The following PIK3CA variants were observed in gnomAD, a reference collection of about 807,000 sequenced individuals.
PIK3CA encodes the protein phosphatidylinositol-4,5-bisphosphate 3-kinase catalytic subunit alpha.
PIK3CA carries 27 observed loss-of-function variants against 138.2 expected under a neutral mutation model. That is an observed-to-expected ratio of 0.20 (90% confidence interval 0.14 to 0.27). The LOEUF is 0.27. Among genes scored for constraint, PIK3CA ranks in the 10% least tolerant of loss-of-function variants. The pLI, the probability that PIK3CA is intolerant of heterozygous loss-of-function variation, is 1.00. For synonymous variants in PIK3CA, 358 were observed against 413.2 expected, an observed-to-expected ratio of 0.87 and a Z score of 1.62; for missense variants, 544 against 1,277.4, an observed-to-expected ratio of 0.43 and a Z score of 8.75.
chr3:179,161,318 ATAAAG>A (rs1427321994), intron 1 of PIK3CA, among the ~76,000 whole-genome samples: 2 of 152,242 alleles, frequency 1.3e-5, no homozygotes, highest in Non-Finnish European at 1.5e-5. Context: ...TAGTGTTTTT[ATAAAG>A]TAAATTCTGC....
chr3:179,198,136 A>G (rs1405176321), intron 1 of PIK3CA, among the ~76,000 whole-genome samples: 2 of 152,258 alleles, frequency 1.3e-5, no homozygotes, highest in Non-Finnish European at 2.9e-5. Flanking sequence ...CTTTAAGAAC[A>G]GAATGTCTAA....
chr3:179,196,464 G>T (rs1362642886), intron 1 of PIK3CA, among the ~76,000 whole-genome samples: 1 of 152,142 alleles, frequency 6.6e-6, no homozygotes, highest in Non-Finnish European at 1.5e-5. Flanking sequence ...ACTAGCCAAT[G>T]AAATTTTTGA....
At position 179,201,609 on chromosome 3, in the gene PIK3CA, A is replaced by ATTTT. The variant is rs373901635; in HGVS notation, c.813+82_813+85dup. ...AATCACATTGAGGATGAGTATCTGT[A>ATTTT]TTTTTTTTTTTTTTTTGAGACGGAA... On this transcript the variant is annotated intron_variant, in intron 4 of 20. Coordinates refer to ENST00000263967, the MANE Select transcript of PIK3CA (RefSeq NM_006218.4). 7.0e-3 allele frequency: 5,326 copies of ATTTT among 760,692 alleles called. 8 individuals are homozygous for ATTTT. Among genetic ancestry groups the ATTTT allele is most frequent in the Middle Eastern group, 0.016 (36 of 2,242 alleles). The allele number at this position is 760,692 out of a possible 1,614,324, so 47.1% of individuals were successfully genotyped here.
chr3:179,187,537 CAAAAAAAA>C (rs375116506), intron 1 of PIK3CA, among the ~76,000 whole-genome samples: 1 of 63,342 alleles, frequency 1.6e-5, no homozygotes, highest in Admixed American at 2.0e-4. Context: ...GACTCCGCCT[CAAAAAAAA>C]AAAAAAAAAA....
chr3:179,181,091 T>C (rs1723833090), intron 1 of PIK3CA, among the ~76,000 whole-genome samples: 2 of 152,068 alleles, frequency 1.3e-5, no homozygotes, highest in South Asian at 4.1e-4. Flanking sequence ...AAAAGAGCAG[T>C]ACTGAAAATA....
rs1725324509 is a variant in PIK3CA at position 179,235,918 on chromosome 3, T to TG, written c.*1555dup. 4.8e-6 allele frequency: 1 copy of TG among 209,342 alleles called. No individual in the cohort carries two copies. The highest frequency in any genetic ancestry group is 9.7e-6 in the Non-Finnish European group (1 of 102,828). The allele number at this position is 209,342 out of a possible 1,614,324, so 13.0% of individuals were successfully genotyped here. On this transcript the variant is annotated 3_prime_UTR_variant, in exon 21 of 21. Transcript: ENST00000263967. ...CATTCTAGAATCTGATATTTTACTC[T>TG]GTATTTGAAATGAATGATTAATGTC...
At chr3:179,178,707 T>C (rs939696127) in intron 1 of PIK3CA, among the ~76,000 whole-genome samples, 9 of 152,116 alleles carry the variant, frequency 5.9e-5, no homozygotes, top group Non-Finnish European at 7.3e-5. Flanking sequence ...CTCTATCACT[T>C]ACTACAATGA....
At chr3:179,217,196 G>A (rs960085152) in intron 9 of PIK3CA, among the ~76,000 whole-genome samples, 2 of 152,106 alleles carry the variant, frequency 1.3e-5, no homozygotes, top group Admixed American at 1.3e-4. Context: ...AAATCTTAGT[G>A]TGGATAAAGG....
chr3:179,185,072 A>G (rs1280214072), intron 1 of PIK3CA, among the ~76,000 whole-genome samples: 2 of 152,224 alleles, frequency 1.3e-5, no homozygotes, highest in Non-Finnish European at 2.9e-5. Context: ...CTGTTTTCCA[A>G]GAAGTTATCC....
rs1428028086 is a variant in PIK3CA, at chr3:179,224,831, A to G, written c.2416+10A>G. On this transcript the variant is annotated intron_variant, in intron 16 of 20. Coordinates refer to ENST00000263967, the MANE Select transcript of PIK3CA (RefSeq NM_006218.4). ...TTTAAAAATGGGGATGGTAAGGAAGAGTATTAATGAGCTTATGATGCATGA... is the reference window on the plus strand; with the variant it reads ...TTTAAAAATGGGGATGGTAAGGAAGGGTATTAATGAGCTTATGATGCATGA... The G allele has an allele frequency of 6.3e-7, 1 of 1,590,016 alleles. No homozygotes were observed. The highest frequency in any genetic ancestry group is 8.6e-7 in the Non-Finnish European group (1 of 1,159,988).
At chr3:179,205,020 C>CAAAAAAAAAAAA (rs574908621) in intron 6 of PIK3CA, among the ~76,000 whole-genome samples, 29 of 53,378 alleles carry the variant, frequency 5.4e-4, no homozygotes, top group Non-Finnish European at 6.6e-4. Context: ...GACTCCGTCT[C>CAAAAAAAAAAAA]AAAAAAAAAA....
At position 179,238,777 on chromosome 3, in the gene PIK3CA, G is replaced by C. The variant is rs185734013; in HGVS notation, c.*4413G>C. 2.1e-4 allele frequency: 47 copies of C among 225,144 alleles called. No homozygotes were observed. Among genetic ancestry groups the C allele is most frequent in the Non-Finnish European group, 3.3e-4 (37 of 112,956 alleles). The allele number at this position is 225,144 out of a possible 1,614,324, so 13.9% of individuals were successfully genotyped here. A position where few individuals can be genotyped will look rare whatever the true frequency, so the allele number is the denominator to read the frequency against. ...TATACTTGCACACAATTCTGTTTGTGTACACACTGCTTGCTTAGCCCTAGT... is the reference window on the plus strand; with the variant it reads ...TATACTTGCACACAATTCTGTTTGTCTACACACTGCTTGCTTAGCCCTAGT... On this transcript the variant is annotated 3_prime_UTR_variant, in exon 21 of 21. Coordinates refer to ENST00000263967, the MANE Select transcript of PIK3CA (RefSeq NM_006218.4).
intron 1 of PIK3CA, among the ~76,000 whole-genome samples, chr3:179,168,859 AATG>A (rs1334015104): frequency 2.0e-5 from 3 of 152,130 alleles, no homozygotes; most frequent in African/African-American, 7.2e-5. Flanking sequence ...ATTGATTTGA[AATG>A]ATACCTTTAT....
chr3:179,173,316 T>C (rs1287657813), intron 1 of PIK3CA, among the ~76,000 whole-genome samples: 1 of 144,636 alleles, frequency 6.9e-6, no homozygotes, highest in East Asian at 2.0e-4. Flanking sequence ...CCCAGCACTT[T>C]GGGAGGCTGA....
chr3:179,153,123 A>G (rs554065027), intron 1 of PIK3CA, among the ~76,000 whole-genome samples: 2 of 152,312 alleles, frequency 1.3e-5, no homozygotes, highest in South Asian at 4.1e-4. Context: ...CAGGTGATAT[A>G]AGAAATATAG....
In PIK3CA at chr3:179,198,891, A is replaced by G. The variant is rs1051398; in HGVS notation, c.66A>G (p.Val22=). The change falls in exon 2 of 21, where the codon GTA becomes GTG. Residue 22 remains valine (V), a synonymous_variant. Transcript: ENST00000263967. ...GIHLMPPRIL[V]ECLLPNGMIV... is the part of the protein sequence containing the mutation. Reference sequence around the variant, plus strand: ...ACTTGATGCCCCCAAGAATCCTAGTAGAATGTTTACTACCAAATGGAATGA... The same window carrying G: ...ACTTGATGCCCCCAAGAATCCTAGTGGAATGTTTACTACCAAATGGAATGA... 6.2e-7 allele frequency: 1 copy of G among 1,605,004 alleles called. No individual in the cohort carries two copies. The highest frequency in any genetic ancestry group is 1.3e-5 in the African/African-American group (1 of 74,400).
chr3:179,229,213 A>C, intron 17 of PIK3CA, 59 bp from the exon 18 acceptor site: 1 of 1,385,816 alleles, frequency 7.2e-7, no homozygotes, highest in Non-Finnish European at 1.0e-6. Context: ...TAGCCTGTTA[A>C]AACATTTGCT....
chr3:179,163,481 A>T (rs1177948639), intron 1 of PIK3CA, among the ~76,000 whole-genome samples: 1 of 152,112 alleles, frequency 6.6e-6, no homozygotes, highest in Admixed American at 6.5e-5. Context: ...AAGACTCCCT[A>T]TCTTTAAAAA....
intron 4 of PIK3CA, among the ~76,000 whole-genome samples, chr3:179,202,696 A>G (rs1437850477): frequency 6.6e-6 from 1 of 152,162 alleles, no homozygotes; most frequent in Admixed American, 6.5e-5. Context: ...TCAGACCAGT[A>G]TATTTTAACA....
Sources: gnomAD v4.1 joint callset for allele counts (sites outside exome capture counted in the v4.1 genomes callset) on GRCh38, gnomAD v4.1.1 for gene constraint, MANE v1.5 for transcripts, NCBI Gene and HGNC (gene_info 2026-07-23, HGNC 2026-07-21) for gene names.